ADTRP: variants seen among roughly 807,000 people sequenced by gnomAD.
ADTRP encodes androgen dependent TFPI regulating protein, also known as androgen-dependent TFPI-regulating protein.
ADTRP carries 20 observed loss-of-function variants against 27.0 expected under a neutral mutation model. The observed-to-expected ratio is 0.74, with a 90% CI of 0.52 to 1.08. The LOEUF is 1.08. ADTRP is among the 50% of genes least tolerant of loss of function. ADTRP has a pLI of 0.00. For synonymous variants in ADTRP, 101 were observed against 105.2 expected, an observed-to-expected ratio of 0.96 and a Z score of 0.25; for missense variants, 251 against 275.0, an observed-to-expected ratio of 0.91 and a Z score of 0.62.
At chr6:11,714,978 C>T (rs1230682006) in intron 5 of ADTRP, among the ~76,000 whole-genome samples, 1 of 152,176 alleles carries the variant, frequency 6.6e-6, no homozygotes, top group East Asian at 1.9e-4. Flanking sequence ...TGGAAAAGTA[C>T]TGGCATATGG....
At chr6:11,761,146 G>C (rs550072229) in intron 3 of ADTRP, among the ~76,000 whole-genome samples, 1 of 152,270 alleles carries the variant, frequency 6.6e-6, no homozygotes, top group African/African-American at 2.4e-5. Context: ...TCCTGTGGCT[G>C]TTTCCTTCAC....
rs144747660 is a variant in ADTRP, at chr6:11,778,542, T to C, written c.153+65A>G. 126 of 1,501,194 alleles carry C rather than the reference T, an allele frequency of 8.4e-5. No homozygotes were observed. The East Asian group carries it at 2.6e-3, about 31-fold the overall frequency. 93.0% of individuals were successfully genotyped at this position (1,501,194 alleles called of 1,614,324 possible). On this transcript the variant is annotated intron_variant, in intron 1 of 5. Transcript: ENST00000414691. ...TGTATTTAATAAAATCCAAAGATGA[T>C]ATGTGTGGCAGCACTGATATTCTAG...
At chr6:11,716,582 C>T (rs902054340) in intron 5 of ADTRP, among the ~76,000 whole-genome samples, 2 of 152,154 alleles carry the variant, frequency 1.3e-5, no homozygotes, top group African/African-American at 4.8e-5. Flanking sequence ...TTGCAAAAAT[C>T]ATGTTTCTTT....
intron 3 of ADTRP, among the ~76,000 whole-genome samples, chr6:11,744,914 C>CTCAAG (rs1762821401): frequency 6.6e-6 from 1 of 152,180 alleles, no homozygotes. Context: ...GTGTAAGCAG[C>CTCAAG]TGGTTTCCCT....
chr6:11,749,075 G>A (rs1762959758), intron 3 of ADTRP, among the ~76,000 whole-genome samples: 1 of 152,218 alleles, frequency 6.6e-6, no homozygotes, highest in South Asian at 2.1e-4. Context: ...GTATTTAGGT[G>A]AGAAATAAAT....
chr6:11,733,864 C>T (rs1412090965), intron 4 of ADTRP, among the ~76,000 whole-genome samples: 1 of 152,170 alleles, frequency 6.6e-6, no homozygotes, highest in East Asian at 1.9e-4. Context: ...TTTATAGCCA[C>T]TACAATTTTC....
At chr6:11,720,475 C>CTTTTTT (rs1554110970) in intron 5 of ADTRP, among the ~76,000 whole-genome samples, 1 of 148,802 alleles carries the variant, frequency 6.7e-6, no homozygotes, top group African/African-American at 2.5e-5. Context: ...GGGATATACC[C>CTTTTTT]TTTTCTTTTT....
chr6:11,743,609 T>C (rs538639433), intron 3 of ADTRP, among the ~76,000 whole-genome samples: 16 of 152,320 alleles, frequency 1.1e-4, no homozygotes, highest in South Asian at 8.3e-4. Flanking sequence ...ATAACACTCG[T>C]ACGTTCGCCT....
rs192124307 is a variant in ADTRP at position 11,723,476 on chromosome 6, C to T, written c.531G>A (p.Thr177=). The T allele has an allele frequency of 5.5e-5, 88 of 1,614,002 alleles. No homozygotes were observed. The African/African-American group carries it at 1.0e-3, about 19-fold the overall frequency. Residue 177 remains threonine (T), a synonymous_variant, in exon 5 of 6, where the codon ACG becomes ACA. Coordinates refer to ENST00000414691, the MANE Select transcript of ADTRP (RefSeq NM_032744.4). ...ISRILWLYFE[T]GTWVYPVFAK... ...CAAACACAGGATACACCCAGGTACC[C>T]GTCTCAAAGTAGAGCCATAGGATGC... is the stretch of plus-strand genomic sequence containing the variant.
In ADTRP at chr6:11,714,396, C is replaced by T. The variant is rs890249374; in HGVS notation, c.*82G>A. 1.4e-6 allele frequency: 2 copies of T among 1,474,804 alleles called. No individual in the cohort carries two copies. The highest frequency in any genetic ancestry group is 1.8e-6 in the Non-Finnish European group (2 of 1,092,344). 91.4% of individuals were successfully genotyped at this position (1,474,804 alleles called of 1,614,324 possible). A position where few individuals can be genotyped will look rare whatever the true frequency, so the allele number is the denominator to read the frequency against. ...ACTTTGCTATGTTCCTCCACCACCTCCCTCCACCAGAAAAAAAAAAAAAAG... is the reference window on the plus strand; with the variant it reads ...ACTTTGCTATGTTCCTCCACCACCTTCCTCCACCAGAAAAAAAAAAAAAAG... On this transcript the variant is annotated 3_prime_UTR_variant, in exon 6 of 6. Transcript: ENST00000414691.
At chr6:11,726,231 C>T (rs142822964) in intron 4 of ADTRP, among the ~76,000 whole-genome samples, 175 of 152,188 alleles carry the variant, frequency 1.1e-3, no homozygotes, top group Middle Eastern at 0.01. Context: ...CATGTGGTTG[C>T]GGGAGGAGGC....
intron 4 of ADTRP, among the ~76,000 whole-genome samples, chr6:11,732,026 A>T (rs1022518444): frequency 6.6e-6 from 1 of 152,160 alleles, no homozygotes; most frequent in Non-Finnish European, 1.5e-5. Context: ...GGTAGGAGAG[A>T]AGGGAGAAAT....
rs1459951055 is a variant in ADTRP at position 11,768,269 on chromosome 6, G to C, written c.268C>G (p.Leu90Val). 6.2e-7 allele frequency: 1 copy of C among 1,614,216 alleles called. No individual in the cohort carries two copies. The highest frequency in any genetic ancestry group is 8.5e-7 in the Non-Finnish European group (1 of 1,180,038). Residue 90 changes from leucine (L) to valine (V), a missense_variant, in exon 2 of 6, where the codon CTG becomes GTG. Physicochemically the swap from Leu to Val is conservative, Grantham distance 32. Coordinates refer to ENST00000414691, the MANE Select transcript of ADTRP (RefSeq NM_032744.4). ...CTTACCGTGGATACAGGAAAAGCCA[G>C]AGTGGTGAAAAGCAGGTCTCTGAAG... ...TAFRDLLFTTLAFPVSTFVFL... is the reference protein window; with the variant it reads ...TAFRDLLFTTVAFPVSTFVFL...
At chr6:11,723,837 T>A (rs900500985) in intron 4 of ADTRP, among the ~76,000 whole-genome samples, 9 of 152,076 alleles carry the variant, frequency 5.9e-5, no homozygotes, top group African/African-American at 2.2e-4. Context: ...GGGGGGTGGA[T>A]CACCTGAGGT....
intron 4 of ADTRP, 72 bp from the exon 5 acceptor site, chr6:11,723,572 T>C: frequency 1.3e-6 from 2 of 1,562,370 alleles, no homozygotes; most frequent in East Asian, 4.5e-5. Flanking sequence ...TCAGGATTAA[T>C]GAGGTACTGG....
intron 1 of ADTRP, among the ~76,000 whole-genome samples, chr6:11,770,544 A>G (rs760787): frequency 0.59 from 89,076 of 151,782 alleles, 26,447 homozygotes; most frequent in East Asian, 0.81. Flanking sequence ...GTACTAAAGA[A>G]CGGCCGGGGG....
chr6:11,776,734 T>C, intron 1 of ADTRP, among the ~76,000 whole-genome samples: 1 of 152,108 alleles, frequency 6.6e-6, no homozygotes, highest in African/African-American at 2.4e-5. Context: ...CCAATACTAG[T>C]GAGACGCAGT....
Position 11,753,498 on chromosome 6 carries a change from C to G in ADTRP, c.390+12776G>C, listed in dbSNP as rs148634662. ...ATATTCAACAAATATTTCTGAAGTG[C>G]CTTTTTTTGCCACACTTACAATTTC... On this transcript the variant is annotated intron_variant, in intron 3 of 5. Coordinates refer to ENST00000414691, the MANE Select transcript of ADTRP (RefSeq NM_032744.4). Among the ~76,000 whole-genome samples the G allele has an allele frequency of 4.6e-5, 7 of 152,208 alleles. No homozygotes were observed. In the East Asian group the frequency reaches 1.4e-3, roughly 29 times the overall value.
At position 11,714,144 on chromosome 6, in the gene ADTRP, T is replaced by G. The variant is rs1328180507; in HGVS notation, c.*334A>C. 3.5e-6 allele frequency: 1 copy of G among 286,590 alleles called. No homozygotes were observed. Among genetic ancestry groups the G allele is most frequent in the African/African-American group, 2.3e-5 (1 of 43,690 alleles). 17.8% of individuals were successfully genotyped at this position (286,590 alleles called of 1,614,324 possible). A position where few individuals can be genotyped will look rare whatever the true frequency, so the allele number is the denominator to read the frequency against. On this transcript the variant is annotated 3_prime_UTR_variant, in exon 6 of 6. Coordinates refer to ENST00000414691, the MANE Select transcript of ADTRP (RefSeq NM_032744.4). ...ACTGAAGAGTTTAAATGACTCTAAG[T>G]TCCTCTCTCTCTCTCTAGATGTTCT... is the stretch of plus-strand genomic sequence containing the variant.
Sources: allele counts gnomAD v4.1 joint callset (sites outside exome capture counted in the v4.1 genomes callset), GRCh38; gene constraint gnomAD v4.1.1; transcripts MANE v1.5; gene names NCBI Gene and HGNC (gene_info 2026-07-23, HGNC 2026-07-21).